Variants in ARL17A observed in about 807,000 individuals in gnomAD.
The protein encoded by ARL17A is ADP-ribosylation factor-like 17-like.
chr17:46,534,216 T>A (rs1382877513), intron 4 of ARL17A, among the ~76,000 whole-genome samples: 3 of 148,736 alleles, frequency 2.0e-5, no homozygotes, highest in Admixed American at 6.6e-5. Context: ...AATTTTTTTT[T>A]ATTGATCATT....
At chr17:46,534,760 C>G (rs2054346775) in intron 4 of ARL17A, among the ~76,000 whole-genome samples, 3 of 150,070 alleles carry the variant, frequency 2.0e-5, no homozygotes, top group African/African-American at 7.6e-5. Flanking sequence ...CCTCACTTCC[C>G]AGAAGGGGCA....
downstream of ARL17A, chr17:46,548,899 GGC>G: frequency 6.2e-7 from 1 of 1,612,628 alleles, no homozygotes; most frequent in Non-Finnish European, 8.5e-7. Context: ...CTTCTCCAAG[GGC>G]GCGCCTTCTA....
chr17:46,535,071 T>G (rs1398096933), intron 4 of ARL17A, among the ~76,000 whole-genome samples: 2 of 148,168 alleles, frequency 1.3e-5, no homozygotes, highest in Non-Finnish European at 3.0e-5. Flanking sequence ...TTTTCAAATT[T>G]TTTGTAGAGA....
At chr17:46,534,698 A>G (rs1408294411) in intron 4 of ARL17A, among the ~76,000 whole-genome samples, 1 of 149,884 alleles carries the variant, frequency 6.7e-6, no homozygotes, top group African/African-American at 2.5e-5. Context: ...CCCGTTCTCA[A>G]TGAGCTGTTG....
chr17:46,551,099 T>G (rs2056759221), downstream of ARL17A, among the ~76,000 whole-genome samples: 5 of 149,962 alleles, frequency 3.3e-5, no homozygotes, highest in African/African-American at 1.0e-4. Flanking sequence ...CGTCTCATAC[T>G]CTAGCCCTCC....
intron 3 of ARL17A, chr17:46,558,806 A>T (rs1212363690): frequency 7.7e-6 from 1 of 129,428 alleles, no homozygotes; most frequent in Non-Finnish European, 1.6e-5. Flanking sequence ...CCCCTATATC[A>T]ATCTCCCAGA....
Position 46,555,373 on chromosome 17 carries a change from A to G in ARL17A, c.*1983T>C. The G allele has an allele frequency of 6.6e-7, 1 of 1,514,058 alleles. No homozygotes were observed. Among genetic ancestry groups the G allele is most frequent in the Non-Finnish European group, 9.0e-7 (1 of 1,116,696 alleles). The allele number at this position is 1,514,058 out of a possible 1,614,324, so 93.8% of individuals were successfully genotyped here. A position where few individuals can be genotyped will look rare whatever the true frequency, so the allele number is the denominator to read the frequency against. On this transcript the variant is annotated 3_prime_UTR_variant, in exon 4 of 4. Coordinates refer to ENST00000336125, the MANE Select transcript of ARL17A (RefSeq NM_001113738.2). ...ACAAGAATAAATAATCATGCATGGAAGCTGCACAAGAAGTCATCTAATGAG... is the reference window on the plus strand; with the variant it reads ...ACAAGAATAAATAATCATGCATGGAGGCTGCACAAGAAGTCATCTAATGAG...
intron 4 of ARL17A, among the ~76,000 whole-genome samples, chr17:46,533,523 A>G (rs1347253407): frequency 3.0e-5 from 4 of 132,836 alleles, no homozygotes; most frequent in African/African-American, 6.5e-5. Flanking sequence ...TTATTTTGGG[A>G]CAGAGTCTCA....
intron 3 of ARL17A, among the ~76,000 whole-genome samples, chr17:46,539,809 TATG>T (rs1229219067): frequency 1.4e-5 from 2 of 146,614 alleles, no homozygotes; most frequent in African/African-American, 5.3e-5. Context: ...CAACTTGAAT[TATG>T]ATGAGCAACT....
At chr17:46,531,848 A>G in intron 4 of ARL17A, among the ~76,000 whole-genome samples, 1 of 121,024 alleles carries the variant, frequency 8.3e-6, no homozygotes, top group East Asian at 2.4e-4. Flanking sequence ...TAAAAGAAAA[A>G]AAATCCAGTT....
At chr17:46,501,746 A>G in the ARL17A span, among the ~76,000 whole-genome samples, 16 of 151,394 alleles carry the variant, frequency 1.1e-4, no homozygotes, top group East Asian at 2.3e-3. Flanking sequence ...TCCATTTTCA[A>G]GGACCGATTT....
At chr17:46,560,477 T>C (rs1230828728) in intron 3 of ARL17A, 2 of 30,434 alleles carry the variant, frequency 6.6e-5, no homozygotes, top group East Asian at 9.2e-4. Flanking sequence ...CTAGAGGCCA[T>C]TTAAAGCTGG....
the ARL17A span, among the ~76,000 whole-genome samples, chr17:46,501,208 C>G: frequency 1.9e-4 from 28 of 151,230 alleles, 1 homozygote; most frequent in Admixed American, 1.5e-3. Context: ...GAGACGGAGT[C>G]TCTGTTGCCT....
At chr17:46,516,389 A>G (rs2051324074), downstream of ARL17A, among the ~76,000 whole-genome samples, 1 of 140,668 alleles carries the variant, frequency 7.1e-6, no homozygotes, top group Admixed American at 7.2e-5. Context: ...AATGCAGACC[A>G]TTGGTGCTAG....
the ARL17A span, among the ~76,000 whole-genome samples, chr17:46,503,643 CAGT>C: frequency 9.0e-6 from 1 of 110,772 alleles, no homozygotes. Flanking sequence ...AATTAACACT[CAGT>C]AGATATTTGC....
At chr17:46,500,670 G>A in the ARL17A span, among the ~76,000 whole-genome samples, 1 of 151,112 alleles carries the variant, frequency 6.6e-6, no homozygotes, top group South Asian at 2.1e-4. Flanking sequence ...CAAATCCCTT[G>A]TTGAGTAGCA....
At chr17:46,558,945 T>G (rs2057457588) in intron 3 of ARL17A, 1 of 107,958 alleles carries the variant, frequency 9.3e-6, no homozygotes, top group South Asian at 2.9e-4. Flanking sequence ...CTCAACGTAC[T>G]GGGATTACAG....
At chr17:46,535,215 A>G (rs1278999455) in intron 4 of ARL17A, among the ~76,000 whole-genome samples, 1 of 149,336 alleles carries the variant, frequency 6.7e-6, no homozygotes, top group Non-Finnish European at 1.5e-5. Flanking sequence ...TTTTGAAGAG[A>G]AATTAGCTAT....
At chr17:46,522,400 AACAG>A (rs1489302957) in intron 3 of ARL17A, among the ~76,000 whole-genome samples, 111 of 111,648 alleles carry the variant, frequency 9.9e-4, no homozygotes, top group African/African-American at 3.9e-3. Context: ...GGCTTAGGAA[AACAG>A]ACCTAAACTA....
Sources: gnomAD v4.1 joint callset for allele counts (sites outside exome capture counted in the v4.1 genomes callset) on GRCh38, gnomAD v4.1.1 for gene constraint, MANE v1.5 for transcripts, NCBI Gene and HGNC (gene_info 2026-07-23, HGNC 2026-07-21) for gene names.